Variants in BBS9 observed in about 807,000 individuals in gnomAD.
BBS9 encodes protein PTHB1.
Under a neutral mutation model 117.7 loss-of-function variants are expected in BBS9, and 89 were observed. The ratio of observed to expected loss-of-function variants is 0.76; its 90% CI spans 0.64 to 0.90. The LOEUF (loss-of-function observed/expected upper bound fraction) is 0.90, where lower values mean the gene tolerates loss of function less well. Among genes scored for constraint, BBS9 ranks in the 40% least tolerant of loss-of-function variants. The pLI, the probability that BBS9 is intolerant of heterozygous loss-of-function variation, is 0.00. For missense variants in BBS9, 982 were observed against 1,042.2 expected, an observed-to-expected ratio of 0.94 and a Z score of 0.80; for synonymous variants, 379 against 370.9, an observed-to-expected ratio of 1.02 and a Z score of -0.25.
chr7:33,146,409 G>T (rs370018524), intron 2 of BBS9, 45 bp downstream of exon 2: 98 of 1,482,702 alleles, frequency 6.6e-5, no homozygotes, highest in Non-Finnish European at 9.0e-5. Flanking sequence ...GTTTTAAAGA[G>T]ATCAAATAAG....
intron 19 of BBS9, among the ~76,000 whole-genome samples, chr7:33,407,811 G>A (rs1584704736): frequency 6.6e-6 from 1 of 152,206 alleles, no homozygotes; most frequent in African/African-American, 2.4e-5. Context: ...TCTCAGAGGA[G>A]TACCCGGCCA....
At chr7:33,189,932 G>C (rs1054916187) in intron 5 of BBS9, among the ~76,000 whole-genome samples, 3 of 151,022 alleles carry the variant, frequency 2.0e-5, no homozygotes, top group Non-Finnish European at 4.4e-5. Context: ...ATGTTGCCCA[G>C]GCTGGTCTTG....
chr7:33,136,350 C>A (rs1039640568), intron 1 of BBS9, among the ~76,000 whole-genome samples: 1 of 151,900 alleles, frequency 6.6e-6, no homozygotes, highest in Non-Finnish European at 1.5e-5. Context: ...CTTTTATTTC[C>A]TTTTCTTACC....
At chr7:33,438,381 G>T (rs934597225) in intron 19 of BBS9, among the ~76,000 whole-genome samples, 2 of 152,050 alleles carry the variant, frequency 1.3e-5, no homozygotes, top group East Asian at 1.9e-4. Flanking sequence ...AGGAAACCAG[G>T]TACAAAATTA....
chr7:33,476,700 C>T (rs1315634256), intron 19 of BBS9, among the ~76,000 whole-genome samples: 1 of 152,148 alleles, frequency 6.6e-6, no homozygotes, highest in African/African-American at 2.4e-5. Flanking sequence ...CATCAAAGTC[C>T]CTCAATTGTA....
At chr7:33,346,102 C>G in intron 12 of BBS9, 1 of 288,664 alleles carries the variant, frequency 3.5e-6, no homozygotes, top group South Asian at 3.3e-5. Flanking sequence ...AAGAATGCAA[C>G]AGGCAAGGGG....
At chr7:33,567,984 G>A (rs770182948) in intron 21 of BBS9, among the ~76,000 whole-genome samples, 5 of 152,146 alleles carry the variant, frequency 3.3e-5, no homozygotes, top group Non-Finnish European at 5.9e-5. Flanking sequence ...GCAGCAGCCT[G>A]TTCTCCCTTC....
chr7:33,193,421 C>CGTTTTTTTTTTTTTTTTTTTTTTTT lies in BBS9; in HGVS notation c.442+15830_442+15831insGTTTTTTTTTTTTTTTTTTTTTTTT, dbSNP rs1562773513. On this transcript the variant is annotated intron_variant, in intron 5 of 22. Coordinates refer to ENST00000242067, the MANE Select transcript of BBS9 (RefSeq NM_198428.3). ...TTGTCTTCCCCTGTCCCTCTCTCTG[C>CGTTTTTTTTTTTTTTTTTTTTTTTT]CTTTTTTTTTTTTTTTTTTTGTAGT... is the stretch of plus-strand genomic sequence containing the variant. 3.0e-5 allele frequency among the ~76,000 whole-genome samples: 2 copies of CGTTTTTTTTTTTTTTTTTTTTTTTT among 67,794 alleles called. 1 individual carries two copies. Among genetic ancestry groups the CGTTTTTTTTTTTTTTTTTTTTTTTT allele is most frequent in the African/African-American group, 1.1e-4 (2 of 18,634 alleles). The allele number at this position is 67,794 out of a possible 152,430, so 44.5% of individuals were successfully genotyped here.
intron 9 of BBS9, among the ~76,000 whole-genome samples, chr7:33,294,295 A>ATCTATCTATCTATCTATCTATCTG (rs1247551044): frequency 1.5e-4 from 1 of 6,790 alleles, no homozygotes; most frequent in African/African-American, 9.6e-4. Context: ...TCTATCATCT[A>ATCTATCTATCTATCTATCTATCTG]TCTATCTATC....
intron 20 of BBS9, among the ~76,000 whole-genome samples, chr7:33,524,619 G>A (rs566121918): frequency 0.012 from 1,856 of 151,990 alleles, 38 homozygotes; most frequent in African/African-American, 0.042. Context: ...TTTTTATTGC[G>A]TCTATTTGAT....
intron 19 of BBS9, among the ~76,000 whole-genome samples, chr7:33,486,290 C>T (rs1040087804): frequency 2.0e-5 from 3 of 152,152 alleles, no homozygotes; most frequent in Non-Finnish European, 4.4e-5. Context: ...TCAATGGCCT[C>T]CTGATGGATG....
chr7:33,423,535 A>C (rs1193122439), intron 19 of BBS9, among the ~76,000 whole-genome samples: 1 of 151,876 alleles, frequency 6.6e-6, no homozygotes, highest in Non-Finnish European at 1.5e-5. Context: ...ATGTGTGAAG[A>C]ATATATAAAT....
intron 21 of BBS9, among the ~76,000 whole-genome samples, chr7:33,553,112 T>C (rs909483490): frequency 3.3e-5 from 5 of 152,214 alleles, no homozygotes; most frequent in African/African-American, 1.2e-4. Context: ...ACTGGCTGAC[T>C]TATAGCCATT....
At chr7:33,634,371 T>A (rs567732354) in intron 21 of BBS9, among the ~76,000 whole-genome samples, 1 of 152,330 alleles carries the variant, frequency 6.6e-6, no homozygotes, top group Non-Finnish European at 1.5e-5. Flanking sequence ...GAATTGCAGC[T>A]CAGTGGTCAC....
At chr7:33,425,315 GATAA>G (rs2128866553) in intron 19 of BBS9, among the ~76,000 whole-genome samples, 1 of 152,242 alleles carries the variant, frequency 6.6e-6, no homozygotes, top group South Asian at 2.1e-4. Flanking sequence ...AAAGTATGAT[GATAA>G]TACAAACAGG....
intron 9 of BBS9, among the ~76,000 whole-genome samples, 183 bp from the exon 10 acceptor site, chr7:33,336,258 C>T (rs1169108965): frequency 6.6e-6 from 1 of 152,096 alleles, no homozygotes; most frequent in African/African-American, 2.4e-5. Flanking sequence ...ATTGGGAATA[C>T]TTCTGTAAAT....
At chr7:33,616,474 AAT>A (rs942667427) in intron 21 of BBS9, among the ~76,000 whole-genome samples, 6 of 143,506 alleles carry the variant, frequency 4.2e-5, no homozygotes, top group Non-Finnish European at 6.0e-5. Flanking sequence ...AACTTTATAT[AAT>A]ATATGTGTGT....
intron 5 of BBS9, among the ~76,000 whole-genome samples, chr7:33,190,663 C>T (rs1783977178): frequency 6.6e-6 from 1 of 152,172 alleles, no homozygotes. Context: ...TAAATCTTTA[C>T]TTGTCACATT....
intron 5 of BBS9, among the ~76,000 whole-genome samples, chr7:33,183,374 A>T (rs1798355606): frequency 6.6e-6 from 1 of 152,152 alleles, no homozygotes. Context: ...CAATCCACGA[A>T]GAGGAAAAAA....
Sources: allele counts gnomAD v4.1 joint callset (sites outside exome capture counted in the v4.1 genomes callset), GRCh38; gene constraint gnomAD v4.1.1; transcripts MANE v1.5; gene names NCBI Gene and HGNC (gene_info 2026-07-23, HGNC 2026-07-21).